MAML3: variants seen among roughly 807,000 people sequenced by gnomAD.
MAML3 encodes the protein mastermind-like protein 3.
A neutral mutation model predicts 101.9 loss-of-function variants in MAML3; 27 were observed. That is an observed-to-expected ratio of 0.27 (90% CI 0.20 to 0.37). MAML3 has a LOEUF of 0.37. Ranked by LOEUF, MAML3 falls within the 10% of genes least tolerant of loss-of-function variation. MAML3 has a pLI of 1.00. For synonymous variants in MAML3, 501 were observed against 555.9 expected (o/e 0.90, Z 1.39); for missense variants, 1,316 against 1,444.9 (o/e 0.91, Z 1.45).
intron 1 of MAML3, among the ~76,000 whole-genome samples, chr4:140,073,060 C>T (rs1476609577): frequency 6.6e-6 from 1 of 151,906 alleles, no homozygotes; most frequent in Admixed American, 6.6e-5. Context: ...TGGTCATGAG[C>T]ACTATAAAAT....
intron 2 of MAML3, among the ~76,000 whole-genome samples, chr4:139,858,424 T>C (rs2111162572): frequency 6.6e-6 from 1 of 150,444 alleles, no homozygotes; most frequent in South Asian, 2.1e-4. Context: ...AGAACAGAAC[T>C]ATGGCTGGGT....
chr4:139,996,653 AG>A (rs1319435530), intron 1 of MAML3, among the ~76,000 whole-genome samples: 1 of 150,322 alleles, frequency 6.7e-6, no homozygotes, highest in African/African-American at 2.5e-5. Context: ...TTGAGTCAAA[AG>A]TAACGTTTCT....
At chr4:140,121,915 C>T (rs1003069618) in intron 1 of MAML3, among the ~76,000 whole-genome samples, 1 of 152,118 alleles carries the variant, frequency 6.6e-6, no homozygotes, top group Non-Finnish European at 1.5e-5. Flanking sequence ...CCATGCTGTT[C>T]TTGTGATAGT....
At chr4:139,883,526 G>T (rs4863520) in intron 2 of MAML3, among the ~76,000 whole-genome samples, 166 of 152,096 alleles carry the variant, frequency 1.1e-3, no homozygotes, top group African/African-American at 3.8e-3. Flanking sequence ...TACACTGAGA[G>T]GATGGGGAAG....
At chr4:140,040,341 T>C (rs1164320993) in intron 1 of MAML3, among the ~76,000 whole-genome samples, 1 of 152,238 alleles carries the variant, frequency 6.6e-6, no homozygotes. Flanking sequence ...ATCTTAAAAC[T>C]TGCCTAAACT....
chr4:139,938,828 C>T (rs1733551679), intron 1 of MAML3, among the ~76,000 whole-genome samples: 2 of 152,212 alleles, frequency 1.3e-5, no homozygotes, highest in African/African-American at 4.8e-5. Flanking sequence ...ACGAACAGTA[C>T]GCATAGTGCC....
Position 139,807,389 on chromosome 4 carries a change from G to A in MAML3, c.2080-76722C>T, listed in dbSNP as rs1393292241. Among the ~76,000 whole-genome samples, 4 of 152,184 alleles carry A rather than the reference G, an allele frequency of 2.6e-5. No homozygotes were observed. In the East Asian group the frequency reaches 7.7e-4, roughly 29 times the overall value. On this transcript the variant is annotated intron_variant, in intron 2 of 4. Transcript: ENST00000509479. ...AACCCATACCTGAAAGCCTCGATTC[G>A]GAATTACCTTAAACCCTGCACTTGT...
In MAML3 at chr4:139,889,708, A is replaced by G; in HGVS notation, c.1728T>C (p.Asn576=). 1 of 1,613,964 alleles carries G rather than the reference A, an allele frequency of 6.2e-7. No homozygotes were observed. Among genetic ancestry groups the G allele is most frequent in the Non-Finnish European group, 8.5e-7 (1 of 1,179,890 alleles). Residue 576 remains asparagine (N), a synonymous_variant, in exon 2 of 5, where the codon AAT becomes AAC. Coordinates refer to ENST00000509479, the MANE Select transcript of MAML3 (RefSeq NM_018717.5). ...AGTTATTTGGCTGCTGATTGATCAT[A>G]TTCATGTGATTCTGAGGGAGGTAGT... ...MNNYLPQNHM[N]MINQQPNNLG...
At chr4:140,084,055 C>G (rs1362816188) in intron 1 of MAML3, among the ~76,000 whole-genome samples, 1 of 151,232 alleles carries the variant, frequency 6.6e-6, no homozygotes, top group East Asian at 1.9e-4. Context: ...ACCCCATCTC[C>G]CCAGTTCTGG....
intron 2 of MAML3, among the ~76,000 whole-genome samples, chr4:139,872,397 T>TA (rs1732029467): frequency 6.6e-6 from 1 of 152,314 alleles, no homozygotes; most frequent in African/African-American, 2.4e-5. Context: ...CTGACGGACT[T>TA]AAAGGATTTG....
chr4:139,896,070 T>C (rs1315029356), intron 1 of MAML3, among the ~76,000 whole-genome samples: 1 of 152,226 alleles, frequency 6.6e-6, no homozygotes, highest in Non-Finnish European at 1.5e-5. Flanking sequence ...CTTTGCTATA[T>C]GGAAAGGTGG....
At chr4:139,976,174 A>G (rs1245751746) in intron 1 of MAML3, among the ~76,000 whole-genome samples, 2 of 152,200 alleles carry the variant, frequency 1.3e-5, no homozygotes, top group Non-Finnish European at 2.9e-5. Context: ...AGCCTCCCAC[A>G]TTTCACAATT....
intron 2 of MAML3, among the ~76,000 whole-genome samples, chr4:139,802,124 CTAACTCT>C (rs1730620493): frequency 3.9e-5 from 6 of 152,120 alleles, no homozygotes; most frequent in African/African-American, 1.4e-4. Context: ...GGGGAGAGCT[CTAACTCT>C]CCAGCTCCAC....
At chr4:140,053,574 C>T (rs2110926128) in intron 1 of MAML3, among the ~76,000 whole-genome samples, 1 of 152,196 alleles carries the variant, frequency 6.6e-6, no homozygotes, top group South Asian at 2.1e-4. Flanking sequence ...ATAAACAAAA[C>T]CAAACATGGT....
chr4:139,884,601 A>G (rs962538672), intron 2 of MAML3, among the ~76,000 whole-genome samples: 3 of 152,174 alleles, frequency 2.0e-5, no homozygotes, highest in Non-Finnish European at 2.9e-5. Context: ...TACTTCTTTC[A>G]TAGTTGCTCC....
intron 2 of MAML3, among the ~76,000 whole-genome samples, chr4:139,850,763 C>G (rs992258051): frequency 2.0e-5 from 3 of 152,068 alleles, no homozygotes; most frequent in Non-Finnish European, 4.4e-5. Context: ...AGGCTGGTCT[C>G]AAACTCCTGA....
chr4:139,826,863 T>C (rs1012147692), intron 2 of MAML3, among the ~76,000 whole-genome samples: 1 of 151,760 alleles, frequency 6.6e-6, no homozygotes, highest in East Asian at 1.9e-4. Flanking sequence ...GGAAAAAGAA[T>C]GGAAAATAAT....
intron 1 of MAML3, among the ~76,000 whole-genome samples, chr4:140,022,441 A>G (rs970625201): frequency 6.6e-6 from 1 of 152,232 alleles, no homozygotes; most frequent in Non-Finnish European, 1.5e-5. Context: ...ATTTGTAGAT[A>G]CAATTCCTGC....
chr4:139,756,554 C>T (rs913830259), intron 2 of MAML3, among the ~76,000 whole-genome samples: 3 of 152,304 alleles, frequency 2.0e-5, no homozygotes, highest in Admixed American at 1.3e-4. Context: ...TTCTCCCTCA[C>T]AGGGAAGCTG....
Sources: gnomAD v4.1 joint callset for allele counts (sites outside exome capture counted in the v4.1 genomes callset) on GRCh38, gnomAD v4.1.1 for gene constraint, MANE v1.5 for transcripts, NCBI Gene and HGNC (gene_info 2026-07-23, HGNC 2026-07-21) for gene names.